NMNAT1: variants seen among roughly 807,000 people sequenced by gnomAD.
The protein encoded by NMNAT1 is nicotinamide/nicotinic acid mononucleotide adenylyltransferase 1.
In NMNAT1, 11 loss-of-function variants were observed where a neutral mutation model predicts 16.7. The ratio of observed to expected loss-of-function variants is 0.66; its 90% confidence interval spans 0.41 to 1.09. The LOEUF is 1.09. NMNAT1 is among the 50% of genes least tolerant of loss of function. The pLI is 0.00. For synonymous variants in NMNAT1, 110 were observed against 119.8 expected, an observed-to-expected ratio of 0.92 and a Z score of 0.53; for missense variants, 280 against 332.3, an observed-to-expected ratio of 0.84 and a Z score of 1.22.
In NMNAT1 at chr1:9,948,988, G is replaced by A. The variant is rs568895215; in HGVS notation, c.-57+5473G>A. ...ACACTGAAGTAAAAAGACAAAACAC[G>A]GCTGGCCATGGTGGCTCACGCCTGT... On this transcript the variant is annotated intron_variant, in intron 1 of 4. Coordinates refer to ENST00000377205, the MANE Select transcript of NMNAT1 (RefSeq NM_022787.4). Among the ~76,000 whole-genome samples the A allele has an allele frequency of 2.6e-5, 4 of 151,596 alleles. 1 individual carries two copies. The South Asian group carries it at 8.4e-4, about 32-fold the overall frequency.
intron 1 of NMNAT1, among the ~76,000 whole-genome samples, chr1:9,958,898 C>T (rs1641332888): frequency 6.6e-6 from 1 of 152,126 alleles, no homozygotes. Context: ...TTAATATGCA[C>T]AAAATCCTAT....
chr1:9,977,471 T>A (rs1403526433), intron 3 of NMNAT1, among the ~76,000 whole-genome samples: 2 of 152,150 alleles, frequency 1.3e-5, no homozygotes, highest in Non-Finnish European at 2.9e-5. Context: ...TTCTGAACTT[T>A]CCAGTGACTG....
At chr1:9,958,428 T>G (rs1358482766) in intron 1 of NMNAT1, among the ~76,000 whole-genome samples, 1 of 151,808 alleles carries the variant, frequency 6.6e-6, no homozygotes, top group Non-Finnish European at 1.5e-5. Context: ...TGATACTGAT[T>G]TTTTGTTTTG....
chr1:9,993,156 A>T, the NMNAT1 span, among the ~76,000 whole-genome samples: 1 of 152,038 alleles, frequency 6.6e-6, no homozygotes, highest in Non-Finnish European at 1.5e-5. Flanking sequence ...GAACCTAACC[A>T]TGAGAGAGAG....
rs1642029985 is a variant in NMNAT1 at position 9,985,197 on chromosome 1, C to T, written c.*2496C>T. 1 of 152,164 alleles carries T rather than the reference C, an allele frequency of 6.6e-6. No individual in the cohort carries two copies. The highest frequency in any genetic ancestry group is 2.4e-5 in the African/African-American group (1 of 41,446). The allele number at this position is 152,164 out of a possible 1,614,324, so 9.4% of individuals were successfully genotyped here. A position where few individuals can be genotyped will look rare whatever the true frequency, so the allele number is the denominator to read the frequency against. On this transcript the variant is annotated 3_prime_UTR_variant, in exon 5 of 5. Transcript: ENST00000377205. ...AGCTGTGAGGCTGCGTACACAGTCT[C>T]CACCTCTGAAATCTGAACTTCGTTT...
At chr1:9,979,683 T>A (rs1447976546) in intron 3 of NMNAT1, among the ~76,000 whole-genome samples, 1 of 150,904 alleles carries the variant, frequency 6.6e-6, no homozygotes, top group African/African-American at 2.4e-5. Flanking sequence ...GCGCCTGTAG[T>A]CCCAGCTACT....
At chr1:9,993,507 G>A in the NMNAT1 span, among the ~76,000 whole-genome samples, 1 of 151,886 alleles carries the variant, frequency 6.6e-6, no homozygotes, top group Non-Finnish European at 1.5e-5. Context: ...AAGAAAGACA[G>A]GACAATACTG....
In NMNAT1 at chr1:9,984,456, T is replaced by A. The variant is rs1215914498; in HGVS notation, c.*1755T>A. The A allele has an allele frequency of 6.6e-6, 1 of 152,194 alleles. No homozygotes were observed. The highest frequency in any genetic ancestry group is 1.5e-5 in the Non-Finnish European group (1 of 68,042). 9.4% of individuals were successfully genotyped at this position (152,194 alleles called of 1,614,324 possible). On this transcript the variant is annotated 3_prime_UTR_variant, in exon 5 of 5. Transcript: ENST00000377205. The stretch of plus-strand genomic sequence containing the variant: ...CCAACGCCGAGGATGCTGTTGATGC[T>A]GCCACGTAATAGCATAATTTTGGGT...
At chr1:9,994,863 C>T in the NMNAT1 span, among the ~76,000 whole-genome samples, 1 of 152,256 alleles carries the variant, frequency 6.6e-6, no homozygotes, top group Middle Eastern at 3.4e-3. Flanking sequence ...CTGCCCGCCT[C>T]AGCCTCCCAA....
chr1:9,955,603 CTCAAAA>C (rs1308580214), intron 1 of NMNAT1, among the ~76,000 whole-genome samples: 5 of 152,090 alleles, frequency 3.3e-5, no homozygotes, highest in African/African-American at 1.2e-4. Context: ...GAAACTCCAT[CTCAAAA>C]AACAAAAAGC....
chr1:9,994,644 G>C, the NMNAT1 span, among the ~76,000 whole-genome samples: 1 of 133,338 alleles, frequency 7.5e-6, no homozygotes, highest in Non-Finnish European at 1.6e-5. Flanking sequence ...ACGGAGTCTT[G>C]CTCTGTCCCC....
intron 2 of NMNAT1, among the ~76,000 whole-genome samples, chr1:9,975,247 T>A (rs1641779052): frequency 6.6e-6 from 1 of 152,188 alleles, no homozygotes; most frequent in Non-Finnish European, 1.5e-5. Flanking sequence ...ATGCCTGTAG[T>A]CCCAGCACTT....
At chr1:9,992,749 AAAAATACAAAAAATTAGC>A in the NMNAT1 span, among the ~76,000 whole-genome samples, 1 of 151,920 alleles carries the variant, frequency 6.6e-6, no homozygotes, top group South Asian at 2.1e-4. Flanking sequence ...ATCTCTACTA[AAAAATACAAAAAATTAGC>A]TGGGTGTGGT....
At chr1:9,946,677 GT>G (rs1640987248) in intron 1 of NMNAT1, among the ~76,000 whole-genome samples, 1 of 152,200 alleles carries the variant, frequency 6.6e-6, no homozygotes, top group Non-Finnish European at 1.5e-5. Flanking sequence ...GTCACTCTAG[GT>G]GTGGTTGTAT....
chr1:9,994,472 C>T, the NMNAT1 span, among the ~76,000 whole-genome samples: 1 of 151,952 alleles, frequency 6.6e-6, no homozygotes, highest in East Asian at 1.9e-4. Context: ...CTCGTGTTGC[C>T]CAGGCTGGAG....
At chr1:9,994,525 G>T in the NMNAT1 span, among the ~76,000 whole-genome samples, 1 of 152,094 alleles carries the variant, frequency 6.6e-6, no homozygotes, top group Non-Finnish European at 1.5e-5. Context: ...CTGCCTCCTG[G>T]GTTCAAGCGA....
intron 1 of NMNAT1, among the ~76,000 whole-genome samples, chr1:9,971,080 G>A (rs1028681859): frequency 2.6e-5 from 4 of 152,170 alleles, no homozygotes; most frequent in Non-Finnish European, 5.9e-5. Context: ...GCTGGTCGGG[G>A]ATGGCTATGT....
At chr1:9,953,911 T>C (rs192059721) in intron 1 of NMNAT1, among the ~76,000 whole-genome samples, 1 of 142,876 alleles carries the variant, frequency 7.0e-6, no homozygotes, top group African/African-American at 2.6e-5. Context: ...GTTCAAGCGA[T>C]CCTCCTGCCA....
intron 1 of NMNAT1, among the ~76,000 whole-genome samples, chr1:9,953,881 C>A (rs1345579112): frequency 3.8e-4 from 53 of 137,674 alleles, no homozygotes; most frequent in Non-Finnish European, 4.3e-4. Flanking sequence ...TCTTGGCTCA[C>A]TGCAACCTCC....
Sources: gnomAD v4.1 joint callset for allele counts (sites outside exome capture counted in the v4.1 genomes callset) on GRCh38, gnomAD v4.1.1 for gene constraint, MANE v1.5 for transcripts, NCBI Gene and HGNC (gene_info 2026-07-23, HGNC 2026-07-21) for gene names.